Variants in KCNIP4 observed in about 807,000 individuals in gnomAD.
The protein encoded by KCNIP4 is Kv channel-interacting protein 4.
A neutral mutation model predicts 34.0 loss-of-function variants in KCNIP4; 12 were observed. The ratio of observed to expected loss-of-function variants is 0.35; its 90% CI spans 0.23 to 0.57. KCNIP4 has a LOEUF of 0.57. KCNIP4 is among the 20% of genes least tolerant of loss of function. The pLI is 0.83. For missense variants in KCNIP4, 238 were observed against 311.7 expected, an observed-to-expected ratio of 0.76 and a Z score of 1.78; for synonymous variants, 124 against 102.2, an observed-to-expected ratio of 1.21 and a Z score of -1.29.
intron 1 of KCNIP4, among the ~76,000 whole-genome samples, chr4:21,106,889 T>C (rs1377236441): frequency 2.6e-5 from 4 of 151,652 alleles, no homozygotes; most frequent in Non-Finnish European, 5.9e-5. Flanking sequence ...TTGTTCAGTT[T>C]CCATGTAGTT....
intron 5 of KCNIP4, among the ~76,000 whole-genome samples, chr4:20,743,686 A>T (rs932322742): frequency 2.6e-5 from 4 of 152,160 alleles, no homozygotes; most frequent in African/African-American, 4.8e-5. Flanking sequence ...AACCTAGGCA[A>T]TACCATTCAG....
At chr4:21,235,245 T>C (rs762464457) in intron 1 of KCNIP4, among the ~76,000 whole-genome samples, 4 of 152,128 alleles carry the variant, frequency 2.6e-5, no homozygotes, top group Non-Finnish European at 4.4e-5. Flanking sequence ...GGCATGCTCT[T>C]TGCACTTAGG....
intron 2 of KCNIP4, among the ~76,000 whole-genome samples, chr4:20,852,462 C>T (rs1051804636): frequency 1.9e-4 from 29 of 152,056 alleles, no homozygotes; most frequent in African/African-American, 6.5e-4. Flanking sequence ...AATTGGCATA[C>T]AAGGCACATA....
At chr4:21,106,555 G>C (rs566923041) in intron 1 of KCNIP4, among the ~76,000 whole-genome samples, 4 of 143,302 alleles carry the variant, frequency 2.8e-5, no homozygotes, top group African/African-American at 8.3e-5. Flanking sequence ...CCAGCTCCTG[G>C]ATTCATTAAT....
chr4:21,370,850 TACACACACACAC>T lies in KCNIP4; in HGVS notation c.62-488153_62-488142del, dbSNP rs376590317. Among the ~76,000 whole-genome samples, 4 of 14,852 alleles carry T rather than the reference TACACACACACAC, an allele frequency of 2.7e-4. No individual in the cohort carries two copies. In the South Asian group the frequency reaches 0.016, roughly 60 times the overall value. 9.7% of individuals were successfully genotyped at this position (14,852 alleles called of 152,430 possible). On this transcript the variant is annotated intron_variant, in intron 1 of 8. Coordinates refer to ENST00000382152, the MANE Select transcript of KCNIP4 (RefSeq NM_025221.6). Reference sequence around the variant, plus strand: ...ATATATATATATATATATATATATATACACACACACACACACACACACACACACACACGTGTG... The same window carrying T: ...ATATATATATATATATATATATATATACACACACACACACACACACGTGTG...
chr4:20,815,027 A>T (rs1716206476), intron 3 of KCNIP4, among the ~76,000 whole-genome samples: 1 of 152,158 alleles, frequency 6.6e-6, no homozygotes, highest in African/African-American at 2.4e-5. Flanking sequence ...AAATCCACAC[A>T]GTCCTGACAA....
At chr4:21,088,335 CA>C (rs745326698) in intron 1 of KCNIP4, among the ~76,000 whole-genome samples, 7 of 152,106 alleles carry the variant, frequency 4.6e-5, no homozygotes, top group Non-Finnish European at 8.8e-5. Flanking sequence ...TGGCTCTGTG[CA>C]TTCTATTTCC....
At chr4:21,181,681 T>C (rs1372484822) in intron 1 of KCNIP4, among the ~76,000 whole-genome samples, 2 of 152,136 alleles carry the variant, frequency 1.3e-5, no homozygotes, top group African/African-American at 4.8e-5. Context: ...TCTGCAGAAG[T>C]TCTGAGAGTC....
intron 1 of KCNIP4, among the ~76,000 whole-genome samples, chr4:21,763,784 TC>T (rs1336839434): frequency 6.6e-6 from 1 of 152,192 alleles, no homozygotes; most frequent in Non-Finnish European, 1.5e-5. Context: ...ATATACATCT[TC>T]CTTTTTGTTG....
At chr4:21,669,234 TCCTTCCC>T (rs1749274959) in intron 1 of KCNIP4, among the ~76,000 whole-genome samples, 1 of 148,424 alleles carries the variant, frequency 6.7e-6, no homozygotes, top group Non-Finnish European at 1.5e-5. Flanking sequence ...CAGGTGATCC[TCCTTCCC>T]AGCCTCCTGT....
At chr4:20,798,084 C>G (rs1713710109) in intron 3 of KCNIP4, among the ~76,000 whole-genome samples, 1 of 152,206 alleles carries the variant, frequency 6.6e-6, no homozygotes, top group African/African-American at 2.4e-5. Flanking sequence ...TTGTTCATCT[C>G]TATATTTATT....
At chr4:21,086,002 C>T (rs1320676244) in intron 1 of KCNIP4, among the ~76,000 whole-genome samples, 2 of 152,154 alleles carry the variant, frequency 1.3e-5, no homozygotes, top group Admixed American at 1.3e-4. Context: ...GATAAGTAAT[C>T]GTCCATTTCC....
chr4:21,608,519 C>T (rs1743891993), intron 1 of KCNIP4, among the ~76,000 whole-genome samples: 1 of 152,210 alleles, frequency 6.6e-6, no homozygotes, highest in African/African-American at 2.4e-5. Context: ...GTCCTTCTTA[C>T]ATCAAACTTC....
chr4:20,777,978 G>A (rs573422106), intron 3 of KCNIP4, among the ~76,000 whole-genome samples: 1 of 152,158 alleles, frequency 6.6e-6, no homozygotes, highest in Non-Finnish European at 1.5e-5. Flanking sequence ...ACAGGAATGG[G>A]ATAAGCAGTC....
chr4:20,971,203 G>A (rs939886415), intron 1 of KCNIP4, among the ~76,000 whole-genome samples: 1 of 152,100 alleles, frequency 6.6e-6, no homozygotes, highest in Non-Finnish European at 1.5e-5. Flanking sequence ...ACAGAAGAAA[G>A]GGAGAAGGAG....
intron 1 of KCNIP4, among the ~76,000 whole-genome samples, chr4:21,442,923 G>T (rs1727615327): frequency 6.6e-6 from 1 of 152,212 alleles, no homozygotes; most frequent in East Asian, 1.9e-4. Flanking sequence ...AACTCTTAAG[G>T]ATTCATCTGT....
At chr4:21,203,523 T>G (rs11724880) in intron 1 of KCNIP4, among the ~76,000 whole-genome samples, 28,045 of 152,170 alleles carry the variant, frequency 0.18, 3,187 homozygotes, top group South Asian at 0.26. Context: ...TTAAGAATGT[T>G]GTGATTTCTT....
At chr4:21,244,298 G>T (rs922804550) in intron 1 of KCNIP4, among the ~76,000 whole-genome samples, 1 of 152,058 alleles carries the variant, frequency 6.6e-6, no homozygotes, top group African/African-American at 2.4e-5. Flanking sequence ...CAAAGAAATG[G>T]TTTCCTTTCC....
chr4:21,090,589 T>G (rs1746910309), intron 1 of KCNIP4, among the ~76,000 whole-genome samples: 1 of 152,158 alleles, frequency 6.6e-6, no homozygotes, highest in African/African-American at 2.4e-5. Context: ...AAGAGAAAAG[T>G]TTTTATGTAT....
Sources: allele counts gnomAD v4.1 joint callset (sites outside exome capture counted in the v4.1 genomes callset), GRCh38; gene constraint gnomAD v4.1.1; transcripts MANE v1.5; gene names NCBI Gene and HGNC (gene_info 2026-07-23, HGNC 2026-07-21).